CNIH3: variants seen among roughly 807,000 people sequenced by gnomAD.
The protein encoded by CNIH3 is cornichon family AMPA receptor auxiliary protein 3, also known as protein cornichon homolog 3.
CNIH3 carries 14 observed loss-of-function variants against 24.1 expected under a neutral mutation model. The observed-to-expected ratio is 0.58, with a 90% CI of 0.38 to 0.91. The LOEUF (loss-of-function observed/expected upper bound fraction) is 0.91, where lower values mean the gene tolerates loss of function less well. Ranked by LOEUF, CNIH3 falls within the 40% of genes least tolerant of loss-of-function variation. CNIH3 has a pLI of 0.00. For missense variants in CNIH3, 178 were observed against 196.8 expected (o/e 0.90, Z 0.57); for synonymous variants, 68 against 73.8 (o/e 0.92, Z 0.40).
chr1:224,689,979 T>C (rs1215434802), intron 3 of CNIH3, among the ~76,000 whole-genome samples: 1 of 152,006 alleles, frequency 6.6e-6, no homozygotes, highest in African/African-American at 2.4e-5. Flanking sequence ...CAGAGGTTGG[T>C]GTGACTGCCG....
chr1:224,659,188 C>T (rs960535560), intron 1 of CNIH3, among the ~76,000 whole-genome samples: 2 of 152,164 alleles, frequency 1.3e-5, no homozygotes, highest in African/African-American at 2.4e-5. Context: ...TTTTGTCACC[C>T]TCTCCTGGGT....
chr1:224,470,535 G>T (rs1676329610), intron 1 of CNIH3, among the ~76,000 whole-genome samples: 1 of 151,688 alleles, frequency 6.6e-6, no homozygotes, highest in Admixed American at 6.6e-5. Flanking sequence ...GCCCAGGCTG[G>T]TCTTCAGCTC....
chr1:224,618,792 T>G (rs1002499230), intron 1 of CNIH3, among the ~76,000 whole-genome samples: 8 of 152,190 alleles, frequency 5.3e-5, no homozygotes, highest in African/African-American at 1.9e-4. Context: ...ATTCCGCTAT[T>G]TAGAAGTAAT....
At chr1:224,572,729 T>C (rs936547609) in intron 4 of CNIH3, among the ~76,000 whole-genome samples, 26 of 152,124 alleles carry the variant, frequency 1.7e-4, no homozygotes, top group Admixed American at 5.9e-4. Flanking sequence ...TCTTGTCATC[T>C]TAACAATGTT....
At chr1:224,735,534 C>T (rs1689551008) in intron 5 of CNIH3, among the ~76,000 whole-genome samples, 1 of 152,210 alleles carries the variant, frequency 6.6e-6, no homozygotes, top group Non-Finnish European at 1.5e-5. Flanking sequence ...GCATGGTTGA[C>T]AGCAGCCAGG....
At chr1:224,606,282 G>T (rs1682417595) in intron 3 of CNIH3, among the ~76,000 whole-genome samples, 1 of 152,190 alleles carries the variant, frequency 6.6e-6, no homozygotes, top group Non-Finnish European at 1.5e-5. Flanking sequence ...CTGAGTTCTT[G>T]TCTGGCATCC....
intron 1 of CNIH3, among the ~76,000 whole-genome samples, chr1:224,446,204 T>G (rs891343587): frequency 1.5e-5 from 2 of 137,072 alleles, no homozygotes; most frequent in African/African-American, 5.2e-5. Flanking sequence ...TATAATTATT[T>G]CAACTTTGTT....
downstream of CNIH3, among the ~76,000 whole-genome samples, chr1:224,539,013 C>T (rs2124945101): frequency 6.6e-6 from 1 of 152,104 alleles, no homozygotes; most frequent in East Asian, 1.9e-4. Context: ...TTTATCTTCC[C>T]ATGTTTTCCT....
At chr1:224,464,074 C>T (rs1341855437) in intron 1 of CNIH3, among the ~76,000 whole-genome samples, 2 of 152,032 alleles carry the variant, frequency 1.3e-5, no homozygotes, top group Non-Finnish European at 2.9e-5. Context: ...CAGGTGTGAG[C>T]CACCGCGCTC....
At chr1:224,570,262 C>G (rs1368128733) in intron 4 of CNIH3, among the ~76,000 whole-genome samples, 2 of 152,168 alleles carry the variant, frequency 1.3e-5, no homozygotes, top group African/African-American at 4.8e-5. Context: ...TACAATCGAT[C>G]CTGTCACCCA....
At chr1:224,475,287 C>T (rs539983202) in intron 1 of CNIH3, among the ~76,000 whole-genome samples, 2 of 147,914 alleles carry the variant, frequency 1.4e-5, no homozygotes, top group South Asian at 2.1e-4. Context: ...ACCCAGGAGG[C>T]GGAGCTTGCA....
At chr1:224,656,552 G>A (rs1305061699) in intron 1 of CNIH3, among the ~76,000 whole-genome samples, 2 of 152,140 alleles carry the variant, frequency 1.3e-5, no homozygotes, top group Non-Finnish European at 2.9e-5. Flanking sequence ...GGGCGGCGGG[G>A]GGGCGGTGTT....
rs1687578464 is a variant in CNIH3 at position 224,702,886 on chromosome 1, C to T, written c.198+18043C>T. Reference sequence around the variant, plus strand: ...CCCCACTCCTCGGGCCCTGTCCTTGCTGGTCGGGGGAGACTTCGCTGAGAT... The same window carrying T: ...CCCCACTCCTCGGGCCCTGTCCTTGTTGGTCGGGGGAGACTTCGCTGAGAT... On this transcript the variant is annotated intron_variant, in intron 3 of 5. Coordinates refer to ENST00000272133, the MANE Select transcript of CNIH3 (RefSeq NM_152495.2). Among the ~76,000 whole-genome samples the T allele has an allele frequency of 2.0e-5, 3 of 152,150 alleles. No individual in the cohort carries two copies. The South Asian group carries it at 6.2e-4, about 32-fold the overall frequency.
chr1:224,594,125 C>T (rs1681876904), intron 3 of CNIH3, among the ~76,000 whole-genome samples: 1 of 152,170 alleles, frequency 6.6e-6, no homozygotes, highest in African/African-American at 2.4e-5. Flanking sequence ...CAGAACTGAA[C>T]ACTTAAAAAG....
intron 1 of CNIH3, among the ~76,000 whole-genome samples, chr1:224,656,057 G>A (rs1364734748): frequency 2.6e-5 from 4 of 152,120 alleles, no homozygotes; most frequent in Non-Finnish European, 5.9e-5. Flanking sequence ...AAAACCAGAA[G>A]CATCAGTTCT....
chr1:224,682,146 G>C (rs951040526), intron 2 of CNIH3, among the ~76,000 whole-genome samples: 1 of 152,162 alleles, frequency 6.6e-6, no homozygotes, highest in Admixed American at 6.5e-5. Flanking sequence ...TGGAAGAACC[G>C]GGATTCAGTG....
At chr1:224,579,067 C>CTTTTT (rs60330387) in intron 4 of CNIH3, among the ~76,000 whole-genome samples, 1 of 138,938 alleles carries the variant, frequency 7.2e-6, no homozygotes. Flanking sequence ...TTTCTTTTTT[C>CTTTTT]TTTTTTTTTT....
At chr1:224,736,636 G>A (rs760548831) in intron 5 of CNIH3, among the ~76,000 whole-genome samples, 1 of 152,174 alleles carries the variant, frequency 6.6e-6, no homozygotes, top group Non-Finnish European at 1.5e-5. Flanking sequence ...ATTCTACTTG[G>A]TTCTGCCTTC....
At chr1:224,615,000 C>T (rs752831237), upstream of CNIH3, among the ~76,000 whole-genome samples, 9 of 151,966 alleles carry the variant, frequency 5.9e-5, no homozygotes, top group Non-Finnish European at 8.8e-5. Flanking sequence ...GGCCAAATAG[C>T]TGCAGGAATG....
Sources: gnomAD v4.1 joint callset for allele counts (sites outside exome capture counted in the v4.1 genomes callset) on GRCh38, gnomAD v4.1.1 for gene constraint, MANE v1.5 for transcripts, NCBI Gene and HGNC (gene_info 2026-07-23, HGNC 2026-07-21) for gene names.